The following FSTL4 variants were observed in gnomAD, a reference collection of about 807,000 sequenced individuals.
FSTL4 encodes follistatin-related protein 4.
Under a neutral mutation model 78.2 loss-of-function variants are expected in FSTL4, and 28 were observed. The ratio of observed to expected loss-of-function variants is 0.36; its 90% CI spans 0.27 to 0.49. The LOEUF is 0.49. Among genes scored for constraint, FSTL4 ranks in the 20% least tolerant of loss-of-function variants. The pLI, the probability that FSTL4 is intolerant of heterozygous loss-of-function variation, is 0.98. For synonymous variants in FSTL4, 422 were observed against 440.5 expected (o/e 0.96, Z 0.53); for missense variants, 922 against 1,084.9 (o/e 0.85, Z 2.11).
chr5:133,513,328 T>C (rs1758776857), intron 3 of FSTL4, among the ~76,000 whole-genome samples: 3 of 152,220 alleles, frequency 2.0e-5, no homozygotes, highest in South Asian at 4.1e-4. Flanking sequence ...AATTGCTATA[T>C]GAGGAGAAAC....
chr5:133,340,750 T>C (rs940018528), intron 4 of FSTL4, among the ~76,000 whole-genome samples: 2 of 152,168 alleles, frequency 1.3e-5, no homozygotes, highest in African/African-American at 4.8e-5. Context: ...TTTGATTAAG[T>C]GTCCTCATAT....
At chr5:133,773,390 A>G in the FSTL4 span, among the ~76,000 whole-genome samples, 10 of 152,142 alleles carry the variant, frequency 6.6e-5, no homozygotes, top group African/African-American at 2.4e-4. Flanking sequence ...ACCTGTATAG[A>G]TTGCAAATAT....
chr5:133,273,862 C>T (rs1752821350), intron 6 of FSTL4, among the ~76,000 whole-genome samples: 3 of 152,130 alleles, frequency 2.0e-5, no homozygotes, highest in South Asian at 4.1e-4. Flanking sequence ...AAGCATGAGT[C>T]AGGGCATGCA....
chr5:133,199,174 T>C lies in FSTL4; in HGVS notation c.2450A>G (p.Asn817Ser). ...TPARESLFLINGRQNTLRCEV... is the reference protein window; with the variant it reads ...TPARESLFLISGRQNTLRCEV... ...ACACCGCAGCGTGTTTTGTCTCCCATTGATGAGGAACAGTGACTCTCGGGC... is the reference window on the plus strand; with the variant it reads ...ACACCGCAGCGTGTTTTGTCTCCCACTGATGAGGAACAGTGACTCTCGGGC... Residue 817 changes from asparagine (N) to serine (S), a missense_variant, in exon 16 of 16, where the codon AAT becomes AGT. Transcript: ENST00000265342. This position sits in a 1 kb window ranked among gnomAD's most constrained non-coding sequence, Gnocchi z 4.4. The C allele has an allele frequency of 6.2e-7, 1 of 1,609,634 alleles. No homozygotes were observed. Among genetic ancestry groups the C allele is most frequent in the Non-Finnish European group, 8.5e-7 (1 of 1,176,664 alleles).
chr5:133,661,066 T>C, the FSTL4 span, among the ~76,000 whole-genome samples: 1 of 152,170 alleles, frequency 6.6e-6, no homozygotes, highest in East Asian at 1.9e-4. Context: ...GCTCAGCTCA[T>C]TGCAACCTCT....
intron 3 of FSTL4, among the ~76,000 whole-genome samples, chr5:133,531,232 A>G (rs1205607951): frequency 1.3e-5 from 2 of 152,222 alleles, no homozygotes; most frequent in East Asian, 3.9e-4. Flanking sequence ...CCTTTAAAGC[A>G]ATTGTTACAA....
chr5:133,332,170 T>C (rs997938166), intron 4 of FSTL4, among the ~76,000 whole-genome samples: 75 of 152,286 alleles, frequency 4.9e-4, no homozygotes, highest in African/African-American at 1.8e-3. Context: ...TGGAGTTTGA[T>C]TCCAGACACA....
At chr5:133,554,160 C>T (rs887527655) in intron 3 of FSTL4, among the ~76,000 whole-genome samples, 10 of 152,202 alleles carry the variant, frequency 6.6e-5, no homozygotes, top group South Asian at 6.2e-4. Flanking sequence ...GAATGGTCAC[C>T]GCCATGCCCA....
chr5:133,607,717 C>T (rs1408422854), intron 1 of FSTL4, among the ~76,000 whole-genome samples: 1 of 152,156 alleles, frequency 6.6e-6, no homozygotes, highest in African/African-American at 2.4e-5. Context: ...GAGGCCCTGG[C>T]CCCGAGACTC....
chr5:133,295,479 G>A (rs1728203960), intron 6 of FSTL4, among the ~76,000 whole-genome samples: 1 of 152,142 alleles, frequency 6.6e-6, no homozygotes, highest in Non-Finnish European at 1.5e-5. Context: ...TCTTGGCCCT[G>A]CTATCCTTTT....
chr5:133,820,324 A>C, the FSTL4 span, among the ~76,000 whole-genome samples: 2 of 152,226 alleles, frequency 1.3e-5, no homozygotes, highest in Non-Finnish European at 2.9e-5. Context: ...AAGGAACTTC[A>C]AGGCAAATTC....
intron 4 of FSTL4, among the ~76,000 whole-genome samples, chr5:133,400,356 C>T (rs1287969893): frequency 2.0e-5 from 3 of 152,200 alleles, no homozygotes; most frequent in African/African-American, 4.8e-5. Flanking sequence ...CTATGCACAG[C>T]ACAGCCTCCT....
At chr5:133,312,442 A>G (rs981790668) in intron 6 of FSTL4, 15 of 576,368 alleles carry the variant, frequency 2.6e-5, no homozygotes, top group Non-Finnish European at 3.4e-5. Flanking sequence ...TCTTTATTAA[A>G]AAGGAACAGG....
intron 6 of FSTL4, among the ~76,000 whole-genome samples, chr5:133,285,982 C>T (rs992523665): frequency 1.3e-5 from 2 of 152,248 alleles, no homozygotes; most frequent in South Asian, 4.1e-4. Context: ...GCACCAATAA[C>T]TAAGCTCTGT....
At chr5:133,531,905 C>T (rs562553716) in intron 3 of FSTL4, among the ~76,000 whole-genome samples, 24 of 152,332 alleles carry the variant, frequency 1.6e-4, no homozygotes, top group African/African-American at 5.5e-4. Context: ...CACTCCAGGT[C>T]AGGGATGGAA....
chr5:133,679,604 G>T, the FSTL4 span, among the ~76,000 whole-genome samples: 2 of 152,076 alleles, frequency 1.3e-5, no homozygotes, highest in African/African-American at 4.8e-5. Context: ...AAAGTAGTTG[G>T]ATTCATTCTA....
intron 3 of FSTL4, among the ~76,000 whole-genome samples, chr5:133,486,481 C>T (rs1758139451): frequency 6.6e-6 from 1 of 152,132 alleles, no homozygotes; most frequent in African/African-American, 2.4e-5. Context: ...CTCTCCTGTT[C>T]TGTCCTTCAT....
intron 3 of FSTL4, among the ~76,000 whole-genome samples, chr5:133,489,138 T>C (rs911395282): frequency 2.0e-5 from 3 of 152,176 alleles, no homozygotes; most frequent in African/African-American, 7.2e-5. Flanking sequence ...ATTCTTAAGA[T>C]AAATACCAAA....
intron 3 of FSTL4, among the ~76,000 whole-genome samples, chr5:133,408,722 T>G (rs889666122): frequency 2.6e-5 from 4 of 152,190 alleles, no homozygotes; most frequent in African/African-American, 9.7e-5. Context: ...GATAGTTGTG[T>G]GAGCCCAGGC....
Sources: gnomAD v4.1 joint callset for allele counts (sites outside exome capture counted in the v4.1 genomes callset) on GRCh38, gnomAD v4.1.1 for gene constraint, Gnocchi (gnomAD v3.1) non-coding constraint, MANE v1.5 for transcripts, NCBI Gene and HGNC (gene_info 2026-07-23, HGNC 2026-07-21) for gene names.